TRIB1: variants seen among roughly 807,000 people sequenced by gnomAD.
TRIB1 encodes tribbles pseudokinase 1.
TRIB1 carries 12 observed loss-of-function variants against 27.8 expected under a neutral mutation model. The ratio of observed to expected loss-of-function variants is 0.43; its 90% CI spans 0.28 to 0.70. TRIB1 has a LOEUF of 0.70. Among genes scored for constraint, TRIB1 ranks in the 30% least tolerant of loss-of-function variants. The pLI, the probability that TRIB1 is intolerant of heterozygous loss-of-function variation, is 0.18. For missense variants in TRIB1, 475 were observed against 515.8 expected, an observed-to-expected ratio of 0.92 and a Z score of 0.77; for synonymous variants, 230 against 224.9, an observed-to-expected ratio of 1.02 and a Z score of -0.20.
intron 2 of TRIB1, 62 bp from the exon 3 acceptor site, chr8:125,435,944 G>A: frequency 6.9e-7 from 1 of 1,441,956 alleles, no homozygotes. Context: ...CTGTTATTGG[G>A]AAGGCTTTGT....
intron 1 of TRIB1, among the ~76,000 whole-genome samples, chr8:125,432,612 G>A (rs1814676111): frequency 6.6e-6 from 1 of 152,154 alleles, no homozygotes; most frequent in Admixed American, 6.5e-5. Context: ...CATTTCTAGG[G>A]GTGGGGTCGG....
chr8:125,437,719 TG>T lies in TRIB1; in HGVS notation c.*1249del, dbSNP rs1184795291. 1 of 152,354 alleles carries T rather than the reference TG, an allele frequency of 6.6e-6. No homozygotes were observed. The highest frequency in any genetic ancestry group is 1.5e-5 in the Non-Finnish European group (1 of 68,036). 9.4% of individuals were successfully genotyped at this position (152,354 alleles called of 1,614,324 possible). ...CAGAAATCCCCTCTTCAGCTTCTTT[TG>T]TAGGTGGGAATCCAGCCTCTGTTAG... On this transcript the variant is annotated 3_prime_UTR_variant, in exon 3 of 3. Coordinates refer to ENST00000311922, the MANE Select transcript of TRIB1 (RefSeq NM_025195.4).
intron 1 of TRIB1, 111 bp downstream of exon 1, chr8:125,431,373 T>A: frequency 8.7e-7 from 1 of 1,147,064 alleles, no homozygotes; most frequent in Non-Finnish European, 1.1e-6. Context: ...GGCGGATCAG[T>A]AGATTGGGTC....
Position 125,430,793 on chromosome 8 carries a change from A to T in TRIB1, c.-110A>T. The T allele has an allele frequency of 7.6e-7, 1 of 1,312,278 alleles. No individual in the cohort carries two copies. The highest frequency in any genetic ancestry group is 9.7e-7 in the Non-Finnish European group (1 of 1,027,604). 81.3% of individuals were successfully genotyped at this position (1,312,278 alleles called of 1,614,324 possible). ...GGGCCGAGCCAAGACCAGTCTGCAA[A>T]CTCCATCCCGCCGGCTGGAAGAAGT... On this transcript the variant is annotated 5_prime_UTR_variant, in exon 1 of 3. Transcript: ENST00000311922.
Position 125,431,154 on chromosome 8 carries a change from C to T in TRIB1, c.252C>T (p.Ser84=), listed in dbSNP as rs1021348624. 3.4e-5 allele frequency: 44 copies of T among 1,307,692 alleles called. No homozygotes were observed. The African/African-American group carries it at 6.0e-4, about 18-fold the overall frequency. The allele number at this position is 1,307,692 out of a possible 1,614,324, so 81.0% of individuals were successfully genotyped here. A position where few individuals can be genotyped will look rare whatever the true frequency, so the allele number is the denominator to read the frequency against. ...CGGGGGCCGGCGGAGGCTCCGGGAG[C>T]GCGCCGGGGCCCAGCCGCATCGCCG... ...AAPGAGGGSG[S]APGPSRIADY... is the part of the protein sequence containing the mutation. The change falls in exon 1 of 3, where the codon AGC becomes AGT. Residue 84 remains serine (S), a synonymous_variant. Coordinates refer to ENST00000311922, the MANE Select transcript of TRIB1 (RefSeq NM_025195.4).
Position 125,436,314 on chromosome 8 carries a change from G to C in TRIB1, c.962G>C (p.Arg321Pro). 1 of 1,613,782 alleles carries C rather than the reference G, an allele frequency of 6.2e-7. No individual in the cohort carries two copies. Among genetic ancestry groups the C allele is most frequent in the South Asian group, 1.1e-5 (1 of 91,054 alleles). The stretch of plus-strand genomic sequence containing the variant: ...TGCCTCATTCGCAGCCTCTTGAGAC[G>C]GGAGCCCTCCGAGAGACTCACTGCC... ...ARCLIRSLLR[R>P]EPSERLTAPE... The change falls in exon 3 of 3, where the codon CGG (arginine) becomes CCG (proline). Residue 321 changes from arginine (R) to proline (P), a missense_variant. By Grantham distance (103) the Arg-to-Pro change is moderately radical. Coordinates refer to ENST00000311922, the MANE Select transcript of TRIB1 (RefSeq NM_025195.4).
At position 125,433,125 on chromosome 8, in the gene TRIB1, GT is replaced by G. The variant is rs1814686349; in HGVS notation, c.361-190del. 4.7e-6 allele frequency: 3 copies of G among 638,394 alleles called. No homozygotes were observed. Among genetic ancestry groups the G allele is most frequent in the Non-Finnish European group, 8.3e-6 (3 of 360,660 alleles). The allele number at this position is 638,394 out of a possible 1,614,324, so 39.5% of individuals were successfully genotyped here. ...TATTTGCAAGTCTAGAGCTTTAGGT[GT>G]TACTGGTTTTAAAGGTGTCAGGGGC... On this transcript the variant is annotated intron_variant, in intron 1 of 2. Coordinates refer to ENST00000311922, the MANE Select transcript of TRIB1 (RefSeq NM_025195.4). The surrounding 1 kb of genome is among the most constrained non-coding windows in gnomAD (Gnocchi z 4.4).
Position 125,436,718 on chromosome 8 carries a change from G to T in TRIB1, c.*247G>T, listed in dbSNP as rs981470999. On this transcript the variant is annotated 3_prime_UTR_variant, in exon 3 of 3. Coordinates refer to ENST00000311922, the MANE Select transcript of TRIB1 (RefSeq NM_025195.4). ...GAACCCTCACCAACTATCTCTGCTG[G>T]ATTTGGGAGTTCCGCATCTTTTGTG... 1.8e-6 allele frequency: 1 copy of T among 562,056 alleles called. No homozygotes were observed. The highest frequency in any genetic ancestry group is 3.2e-5 in the Admixed American group (1 of 30,898). The allele number at this position is 562,056 out of a possible 1,614,324, so 34.8% of individuals were successfully genotyped here. A position where few individuals can be genotyped will look rare whatever the true frequency, so the allele number is the denominator to read the frequency against.
intron 2 of TRIB1, 42 bp from the exon 3 acceptor site, chr8:125,435,964 C>A: frequency 6.5e-7 from 1 of 1,546,108 alleles, no homozygotes. Flanking sequence ...TTTTTCATAG[C>A]AGCTGGTGTG....
At chr8:125,432,068 G>C (rs1268624386) in intron 1 of TRIB1, 2 of 169,870 alleles carry the variant, frequency 1.2e-5, no homozygotes, top group African/African-American at 4.8e-5. Flanking sequence ...ACCCCTGCTT[G>C]AGGCACCCCA....
In TRIB1 at chr8:125,430,660, C is replaced by A. The variant is rs925703885; in HGVS notation, c.-243C>A. On this transcript the variant is annotated 5_prime_UTR_variant, in exon 1 of 3. Transcript: ENST00000311922. ...GCGAGGCTCCGGGAGCCCTTGCCTG[C>A]GGGGGTCCGGGGACTCGAGCCGGCC... 1.7e-5 allele frequency: 7 copies of A among 419,034 alleles called. No individual in the cohort carries two copies. The highest frequency in any genetic ancestry group is 6.2e-5 in the African/African-American group (3 of 48,356). The allele number at this position is 419,034 out of a possible 1,614,324, so 26.0% of individuals were successfully genotyped here. A position where few individuals can be genotyped will look rare whatever the true frequency, so the allele number is the denominator to read the frequency against.
rs1200339115 is a variant in TRIB1 at position 125,431,028 on chromosome 8, T to C, written c.126T>C (p.Ala42=). The change falls in exon 1 of 3, where the codon GCT becomes GCC. Residue 42 remains alanine, a synonymous_variant. Transcript: ENST00000311922. The part of the protein sequence containing the change: ...KRLLDADDAA[A]VAAKCPRLSE... ...TGCTGGACGCCGACGACGCGGCGGC[T>C]GTGGCGGCCAAGTGCCCGCGCCTCT... The C allele has an allele frequency of 2.1e-6, 3 of 1,460,536 alleles. No individual in the cohort carries two copies. Among genetic ancestry groups the C allele is most frequent in the Non-Finnish European group, 2.7e-6 (3 of 1,114,182 alleles). 90.5% of individuals were successfully genotyped at this position (1,460,536 alleles called of 1,614,324 possible). A position where few individuals can be genotyped will look rare whatever the true frequency, so the allele number is the denominator to read the frequency against.
At chr8:125,432,001 T>C (rs1321498530) in intron 1 of TRIB1, among the ~76,000 whole-genome samples, 1 of 152,136 alleles carries the variant, frequency 6.6e-6, no homozygotes, top group African/African-American at 2.4e-5. Context: ...CGCCGGGTCC[T>C]CCTCCTGCGC....
chr8:125,437,181 C>T lies in TRIB1; in HGVS notation c.*710C>T, dbSNP rs145010344. ...TTACCAGCCGAACGTGGAACAGTAT[C>T]ACAAAAGATTCCATCTCCCAACGAT... On this transcript the variant is annotated 3_prime_UTR_variant, in exon 3 of 3. Coordinates refer to ENST00000311922, the MANE Select transcript of TRIB1 (RefSeq NM_025195.4). 6.6e-6 allele frequency: 1 copy of T among 152,396 alleles called. No homozygotes were observed. The highest frequency in any genetic ancestry group is 1.5e-5 in the Non-Finnish European group (1 of 68,084). 9.4% of individuals were successfully genotyped at this position (152,396 alleles called of 1,614,324 possible).
intron 2 of TRIB1, among the ~76,000 whole-genome samples, chr8:125,434,305 G>A (rs1198768719): frequency 1.3e-5 from 2 of 152,186 alleles, no homozygotes; most frequent in Admixed American, 1.3e-4. Flanking sequence ...AATTCAGGAA[G>A]CCGCATGAGA....
At position 125,437,309 on chromosome 8, in the gene TRIB1, CCTTTA is replaced by C. The variant is rs1288357813; in HGVS notation, c.*843_*847del. The stretch of plus-strand genomic sequence containing the variant: ...TCCTTCCAAATATGTTAGTACCTAC[CCTTTA>C]CTTTTTCCCCAAGACCATCTCAGGG... On this transcript the variant is annotated 3_prime_UTR_variant, in exon 3 of 3. Transcript: ENST00000311922. The C allele has an allele frequency of 6.6e-6, 1 of 152,280 alleles. No individual in the cohort carries two copies. Among genetic ancestry groups the C allele is most frequent in the Non-Finnish European group, 1.5e-5 (1 of 68,024 alleles). The allele number at this position is 152,280 out of a possible 1,614,324, so 9.4% of individuals were successfully genotyped here.
chr8:125,431,386 A>G (rs905939098), intron 1 of TRIB1, 124 bp downstream of exon 1: 1 of 1,047,580 alleles, frequency 9.5e-7, no homozygotes, highest in African/African-American at 1.6e-5. Context: ...ATTGGGTCAG[A>G]TAAGACGCCA....
In TRIB1 at chr8:125,436,473, C is replaced by A. The variant is rs758576660; in HGVS notation, c.*2C>A. ...GACATTAGTTCCTTCTTCTGCTAAT[C>A]CCCAAAACCTCAGAAACCTCATAAT... On this transcript the variant is annotated 3_prime_UTR_variant, in exon 3 of 3. Coordinates refer to ENST00000311922, the MANE Select transcript of TRIB1 (RefSeq NM_025195.4). The A allele has an allele frequency of 6.2e-7, 1 of 1,611,900 alleles. No individual in the cohort carries two copies. The highest frequency in any genetic ancestry group is 1.7e-5 in the Admixed American group (1 of 59,890).
rs1455413781 is a variant in TRIB1, at chr8:125,437,192, C to G, written c.*721C>G. 1 of 152,376 alleles carries G rather than the reference C, an allele frequency of 6.6e-6. No homozygotes were observed. Among genetic ancestry groups the G allele is most frequent in the East Asian group, 1.9e-4 (1 of 5,332 alleles). 9.4% of individuals were successfully genotyped at this position (152,376 alleles called of 1,614,324 possible). A position where few individuals can be genotyped will look rare whatever the true frequency, so the allele number is the denominator to read the frequency against. On this transcript the variant is annotated 3_prime_UTR_variant, in exon 3 of 3. Transcript: ENST00000311922. ...ACGTGGAACAGTATCACAAAAGATT[C>G]CATCTCCCAACGATTTCAGAACTCT...
Sources: gnomAD v4.1 joint callset for allele counts (sites outside exome capture counted in the v4.1 genomes callset) on GRCh38, gnomAD v4.1.1 for gene constraint, Gnocchi (gnomAD v3.1) non-coding constraint, MANE v1.5 for transcripts, NCBI Gene and HGNC (gene_info 2026-07-23, HGNC 2026-07-21) for gene names.